The following STXBP5L variants were observed in gnomAD, a reference collection of about 807,000 sequenced individuals.
STXBP5L encodes the protein syntaxin binding protein 5L.
Under a neutral mutation model 144.5 loss-of-function variants are expected in STXBP5L, and 65 were observed. The ratio of observed to expected loss-of-function variants is 0.45; its 90% confidence interval spans 0.37 to 0.55. The LOEUF is 0.55. STXBP5L is among the 20% of genes least tolerant of loss of function. STXBP5L has a pLI of 0.00. For synonymous variants in STXBP5L, 505 were observed against 469.6 expected (o/e 1.08, Z -0.97); for missense variants, 1,298 against 1,405.5 (o/e 0.92, Z 1.22).
At chr3:120,966,430 G>T (rs1939581406) in intron 3 of STXBP5L, among the ~76,000 whole-genome samples, 1 of 152,094 alleles carries the variant, frequency 6.6e-6, no homozygotes, top group South Asian at 2.1e-4. Context: ...ATCTACCTTT[G>T]GTATTTAATG....
intron 9 of STXBP5L, among the ~76,000 whole-genome samples, chr3:121,197,131 T>A (rs1039238688): frequency 1.3e-5 from 2 of 152,252 alleles, no homozygotes; most frequent in African/African-American, 4.8e-5. Flanking sequence ...TTTTCGTTTC[T>A]TTCGTTTGTT....
intron 19 of STXBP5L, among the ~76,000 whole-genome samples, chr3:121,299,025 C>T (rs2051777629): frequency 1.3e-5 from 2 of 152,230 alleles, no homozygotes; most frequent in Admixed American, 6.5e-5. Context: ...GTAACAATCA[C>T]CAACACAACA....
chr3:121,412,741 A>AC (rs1452782309), intron 23 of STXBP5L, among the ~76,000 whole-genome samples: 5 of 148,524 alleles, frequency 3.4e-5, no homozygotes, highest in Non-Finnish European at 7.4e-5. Context: ...AAAAAAAAAA[A>AC]AAAAAAAACA....
intron 22 of STXBP5L, among the ~76,000 whole-genome samples, chr3:121,383,043 A>G (rs1483406023): frequency 6.6e-6 from 1 of 152,036 alleles, no homozygotes; most frequent in East Asian, 1.9e-4. Flanking sequence ...GCACTTTGGA[A>G]GGCTGAGGGA....
rs146273563 is a variant in STXBP5L at position 121,391,441 on chromosome 3, C to G, written c.2587+9909C>G. On this transcript the variant is annotated intron_variant, in intron 22 of 26. Coordinates refer to ENST00000471454, the MANE Select transcript of STXBP5L (RefSeq NM_001308330.2). ...GCTTTGCTCTGTTGCTGGCAAGGAG[C>G]TGTGATCCTTTGGAAGAGAAGAGGG... is the stretch of plus-strand genomic sequence containing the variant. Among the ~76,000 whole-genome samples, 12 of 152,292 alleles carry G rather than the reference C, an allele frequency of 7.9e-5. No homozygotes were observed. The East Asian group carries it at 2.3e-3, about 29-fold the overall frequency.
In STXBP5L at chr3:121,311,079, G is replaced by C. The variant is rs191811324; in HGVS notation, c.2111-7396G>C. On this transcript the variant is annotated intron_variant, in intron 19 of 26. Transcript: ENST00000471454. ...AACATAAAAAATAAGCCAGAAATTT[G>C]GATAGAATCATGAAGATATATGATT... Among the ~76,000 whole-genome samples, 181 of 152,208 alleles carry C rather than the reference G, an allele frequency of 1.2e-3. 1 individual carries two copies. The highest frequency in any genetic ancestry group is 4.2e-3 in the African/African-American group (173 of 41,510).
chr3:120,985,620 A>T (rs1054535476), intron 3 of STXBP5L, among the ~76,000 whole-genome samples: 4 of 150,556 alleles, frequency 2.7e-5, no homozygotes, highest in Non-Finnish European at 5.9e-5. Flanking sequence ...GTCTATTCAG[A>T]TTTTCTGTTT....
At chr3:121,397,766 A>G (rs935763022) in intron 22 of STXBP5L, among the ~76,000 whole-genome samples, 3 of 152,220 alleles carry the variant, frequency 2.0e-5, no homozygotes, top group African/African-American at 7.2e-5. Context: ...TAGGTACAGA[A>G]ATTATAATTG....
chr3:120,915,834 TA>T (rs1709074366), intron 2 of STXBP5L, among the ~76,000 whole-genome samples: 1 of 152,094 alleles, frequency 6.6e-6, no homozygotes, highest in Non-Finnish European at 1.5e-5. Context: ...AAGGTAGTTA[TA>T]AAGAATAGAA....
intron 3 of STXBP5L, among the ~76,000 whole-genome samples, chr3:121,025,994 A>G (rs1346277992): frequency 6.9e-6 from 1 of 145,954 alleles, no homozygotes; most frequent in Non-Finnish European, 1.5e-5. Context: ...TATTAGTATT[A>G]TCAATATATT....
intron 7 of STXBP5L, among the ~76,000 whole-genome samples, chr3:121,126,150 TG>T (rs1161217193): frequency 1.3e-5 from 2 of 152,192 alleles, no homozygotes; most frequent in African/African-American, 2.4e-5. Context: ...TACACACTTC[TG>T]GTTAAGATAA....
At chr3:121,100,376 C>T (rs2043354425) in intron 5 of STXBP5L, among the ~76,000 whole-genome samples, 1 of 152,046 alleles carries the variant, frequency 6.6e-6, no homozygotes. Flanking sequence ...TAAACTCAAA[C>T]AAACTGAAAT....
intron 11 of STXBP5L, among the ~76,000 whole-genome samples, chr3:121,226,195 C>G (rs1577253700): frequency 6.6e-6 from 1 of 152,290 alleles, no homozygotes; most frequent in East Asian, 1.9e-4. Flanking sequence ...AAATAATTGG[C>G]TGTTTTACCT....
chr3:121,369,227 T>C (rs1364434361), intron 20 of STXBP5L, among the ~76,000 whole-genome samples: 3 of 152,194 alleles, frequency 2.0e-5, no homozygotes, highest in Non-Finnish European at 4.4e-5. Flanking sequence ...CTGAAAGTTG[T>C]ATGTCTTCAA....
intron 9 of STXBP5L, among the ~76,000 whole-genome samples, chr3:121,201,532 G>C (rs773368874): frequency 6.6e-6 from 1 of 152,098 alleles, no homozygotes; most frequent in East Asian, 1.9e-4. Flanking sequence ...ATATTGTTAT[G>C]TGTGAATTTG....
At chr3:121,372,781 C>G (rs1040084929) in intron 20 of STXBP5L, among the ~76,000 whole-genome samples, 1 of 151,978 alleles carries the variant, frequency 6.6e-6, no homozygotes. Flanking sequence ...ATCTAGTCAG[C>G]CATCTTAGAG....
intron 5 of STXBP5L, among the ~76,000 whole-genome samples, chr3:121,060,324 A>G (rs748558823): frequency 6.6e-6 from 1 of 152,132 alleles, no homozygotes; most frequent in Non-Finnish European, 1.5e-5. Context: ...GATGAAGCTG[A>G]CTTGATTGTG....
chr3:121,069,514 C>T (rs1367738283), intron 5 of STXBP5L, among the ~76,000 whole-genome samples: 1 of 151,664 alleles, frequency 6.6e-6, no homozygotes, highest in African/African-American at 2.4e-5. Context: ...TTCCAAAAAG[C>T]GCAATTGCCG....
chr3:121,015,219 G>A (rs1281204358), intron 3 of STXBP5L, among the ~76,000 whole-genome samples: 1 of 152,078 alleles, frequency 6.6e-6, no homozygotes, highest in Non-Finnish European at 1.5e-5. Flanking sequence ...GACCCAGCTA[G>A]GGATTAATAT....
Sources: gnomAD v4.1 joint callset for allele counts (sites outside exome capture counted in the v4.1 genomes callset) on GRCh38, gnomAD v4.1.1 for gene constraint, MANE v1.5 for transcripts, NCBI Gene and HGNC (gene_info 2026-07-23, HGNC 2026-07-21) for gene names.